Variants in MANSC4 observed in about 807,000 individuals in gnomAD.
MANSC4 encodes the protein MANSC domain-containing protein 4.
MANSC4 carries 11 observed loss-of-function variants against 11.4 expected under a neutral mutation model. The ratio of observed to expected loss-of-function variants is 0.97; its 90% CI spans 0.61 to 1.60. The LOEUF (loss-of-function observed/expected upper bound fraction) is 1.60. MANSC4 is among the 40% of genes most tolerant of loss of function. The pLI, the probability that MANSC4 is intolerant of heterozygous loss-of-function variation, is 0.00. For synonymous variants in MANSC4, 123 were observed against 147.1 expected, an observed-to-expected ratio of 0.84 and a Z score of 1.19; for missense variants, 354 against 404.6, an observed-to-expected ratio of 0.88 and a Z score of 1.07.
At chr12:27,770,188 A>G (rs1363473294) in intron 2 of MANSC4, among the ~76,000 whole-genome samples, 1 of 145,912 alleles carries the variant, frequency 6.9e-6, no homozygotes, top group Non-Finnish European at 1.6e-5. Flanking sequence ...TGTGTGTGAG[A>G]GAGAGAGAGA....
At chr12:27,775,535 A>G (rs2062116386) in intron 1 of MANSC4, among the ~76,000 whole-genome samples, 1 of 152,150 alleles carries the variant, frequency 6.6e-6, no homozygotes, top group South Asian at 2.1e-4. Context: ...TCAAATAAAT[A>G]CTAAACAAAC....
Position 27,762,683 on chromosome 12 carries a change from T to G in MANSC4, c.*55A>C. 1 of 1,419,438 alleles carries G rather than the reference T, an allele frequency of 7.0e-7. No homozygotes were observed. The highest frequency in any genetic ancestry group is 9.3e-7 in the Non-Finnish European group (1 of 1,075,602). The allele number at this position is 1,419,438 out of a possible 1,614,324, so 87.9% of individuals were successfully genotyped here. A position where few individuals can be genotyped will look rare whatever the true frequency, so the allele number is the denominator to read the frequency against. ...TTTTTTTAACCAAACTGCGTTTTCTTACACAAAACTAAAAATGATATCCTT... is the reference window on the plus strand; with the variant it reads ...TTTTTTTAACCAAACTGCGTTTTCTGACACAAAACTAAAAATGATATCCTT... On this transcript the variant is annotated 3_prime_UTR_variant, in exon 4 of 4. Transcript: ENST00000381273.
intron 3 of MANSC4, 130 bp from the exon 4 acceptor site, chr12:27,763,526 AC>A: frequency 2.7e-6 from 2 of 748,530 alleles, no homozygotes. Flanking sequence ...ACGTTCTACT[AC>A]CACATACTTC....
chr12:27,771,050 T>A lies in MANSC4; in HGVS notation c.227A>T (p.Asp76Val). 1 of 1,548,680 alleles carries A rather than the reference T, an allele frequency of 6.5e-7. No homozygotes were observed. Among genetic ancestry groups the A allele is most frequent in the East Asian group, 2.4e-5 (1 of 40,910 alleles). Reference sequence around the variant, plus strand: ...CCAAGCATATCATGAATACTTACCATCCTTCCGAAGACAGCAGCTCCTACT... The same window carrying A: ...CCAAGCATATCATGAATACTTACCAACCTTCCGAAGACAGCAGCTCCTACT... ...KCSRSCCLRKDVSCNLAVFYH... is the reference protein window; with the variant it reads ...KCSRSCCLRKVVSCNLAVFYH... The change falls in exon 2 of 4, where the codon GAT becomes GTT. Residue 76 changes from aspartate to valine, a missense_variant and splice_region_variant. By Grantham distance (152) the Asp-to-Val change is radical. Transcript: ENST00000381273.
At chr12:27,766,637 T>G (rs1189304239) in intron 3 of MANSC4, 28 bp downstream of exon 3, 1 of 1,547,146 alleles carries the variant, frequency 6.5e-7, no homozygotes, top group Admixed American at 2.0e-5. Flanking sequence ...CAGCATTCTT[T>G]TAAAGTCTTG....
In MANSC4 at chr12:27,763,206, G is replaced by C; in HGVS notation, c.555C>G (p.Asn185Lys). The change falls in exon 4 of 4, where the codon AAC becomes AAG. Residue 185 changes from asparagine to lysine, a missense_variant. By Grantham distance (94) the Asn-to-Lys change is moderately conservative. Coordinates refer to ENST00000381273, the MANE Select transcript of MANSC4 (RefSeq NM_001146221.5). ...CCTTAGAATAACTGGTACTGTTTGT[G>C]TTTACAACCAAATCTTGATGCGTGG... ...SSTTHQDLVV[N>K]TNSTSYSKEL... The C allele has an allele frequency of 6.4e-7, 1 of 1,551,728 alleles. No individual in the cohort carries two copies. Among genetic ancestry groups the C allele is most frequent in the South Asian group, 1.2e-5 (1 of 84,064 alleles).
At chr12:27,775,769 G>GT (rs71438710) in intron 1 of MANSC4, among the ~76,000 whole-genome samples, 149 of 144,046 alleles carry the variant, frequency 1.0e-3, no homozygotes, top group Middle Eastern at 7.2e-3. Flanking sequence ...TCCAAAATCT[G>GT]TTTTTTTTTT....
At chr12:27,768,256 G>A (rs1057338596) in intron 2 of MANSC4, among the ~76,000 whole-genome samples, 1 of 151,258 alleles carries the variant, frequency 6.6e-6, no homozygotes, top group African/African-American at 2.4e-5. Flanking sequence ...TACAAAAATT[G>A]GCTGGGCATG....
At position 27,780,214 on chromosome 12, in the gene MANSC4, C is replaced by CCGCTCCTCCCGGGCCGCCATCCCTCGG; in HGVS notation, c.-312_-311insCCGAGGGATGGCGGCCCGGGAGGAGCG. 4.0e-6 allele frequency: 4 copies of CCGCTCCTCCCGGGCCGCCATCCCTCGG among 995,166 alleles called. No homozygotes were observed. Among genetic ancestry groups the CCGCTCCTCCCGGGCCGCCATCCCTCGG allele is most frequent in the Non-Finnish European group, 5.3e-6 (4 of 760,224 alleles). 61.6% of individuals were successfully genotyped at this position (995,166 alleles called of 1,614,324 possible). Reference sequence around the variant, plus strand: ...GCGAGCGCGGGCGGCCCTCACCTCGCCGCTCCTCCCGGGCCGCCATCCCTC... The same window carrying CCGCTCCTCCCGGGCCGCCATCCCTCGG: ...GCGAGCGCGGGCGGCCCTCACCTCGCCGCTCCTCCCGGGCCGCCATCCCTCGGCGCTCCTCCCGGGCCGCCATCCCTC... On this transcript the variant is annotated 5_prime_UTR_variant, in exon 1 of 4. It adds an upstream start codon to the 5' untranslated region. Coordinates refer to ENST00000381273, the MANE Select transcript of MANSC4 (RefSeq NM_001146221.5). This position sits in a 1 kb window ranked among gnomAD's most constrained non-coding sequence, Gnocchi z 8.8.
rs1474176288 is a variant in MANSC4 at position 27,780,190 on chromosome 12, C to A, written c.-307+20G>T. 6 of 535,118 alleles carry A rather than the reference C, an allele frequency of 1.1e-5. No homozygotes were observed. Among genetic ancestry groups the A allele is most frequent in the Middle Eastern group, 6.5e-4 (1 of 1,542 alleles). 33.1% of individuals were successfully genotyped at this position (535,118 alleles called of 1,614,324 possible). A position where few individuals can be genotyped will look rare whatever the true frequency, so the allele number is the denominator to read the frequency against. On this transcript the variant is annotated intron_variant, in intron 1 of 3. Coordinates refer to ENST00000381273, the MANE Select transcript of MANSC4 (RefSeq NM_001146221.5). This position sits in a 1 kb window ranked among gnomAD's most constrained non-coding sequence, Gnocchi z 8.8. The stretch of plus-strand genomic sequence containing the variant: ...AGGAGGGGCCGCCGGAGAGGCCGGG[C>A]GAGCGCGGGCGGCCCTCACCTCGCC...
rs907136893 is a variant in MANSC4 at position 27,763,106 on chromosome 12, G to A, written c.655C>T (p.Pro219Ser). The change falls in exon 4 of 4, where the codon CCA becomes TCA. Residue 219 changes from proline to serine, a missense_variant. Pro to Ser is a moderately conservative substitution (Grantham distance 74). Transcript: ENST00000381273. ...SITTKINKVSPSTDFISNPDN... is the reference protein window; with the variant it reads ...SITTKINKVSSSTDFISNPDN... ...GGATTGCTGATGAAATCAGTACTTG[G>A]TGACACCTTATTTATCTTTGTGGTA... The A allele has an allele frequency of 6.4e-6, 10 of 1,551,604 alleles. No individual in the cohort carries two copies. The highest frequency in any genetic ancestry group is 3.9e-5 in the Admixed American group (2 of 50,938).
chr12:27,767,435 G>A (rs1183155148), intron 2 of MANSC4, among the ~76,000 whole-genome samples: 1 of 152,102 alleles, frequency 6.6e-6, no homozygotes, highest in African/African-American at 2.4e-5. Flanking sequence ...CCGGCGTGGT[G>A]GCTCATTCCC....
chr12:27,778,786 C>T (rs1281825480), intron 1 of MANSC4, among the ~76,000 whole-genome samples: 2 of 152,212 alleles, frequency 1.3e-5, no homozygotes, highest in Non-Finnish European at 2.9e-5. Context: ...GGGATGAATT[C>T]ATTAGCAAGA....
rs2062101025 is a variant in MANSC4 at position 27,771,508 on chromosome 12, C to G, written c.-232G>C. On this transcript the variant is annotated 5_prime_UTR_variant, in exon 2 of 4. Transcript: ENST00000381273. ...GATTTGCTGGCATTCTTTCTGAACA[C>G]TTTCCAGGCTATTTCAATACCCTGT... Among the ~76,000 whole-genome samples the G allele has an allele frequency of 6.6e-6, 1 of 152,226 alleles. No homozygotes were observed. The highest frequency in any genetic ancestry group is 2.4e-5 in the African/African-American group (1 of 41,466).
chr12:27,774,931 G>A (rs959182391), intron 1 of MANSC4, among the ~76,000 whole-genome samples: 1 of 152,136 alleles, frequency 6.6e-6, no homozygotes, highest in East Asian at 1.9e-4. Context: ...GGCTGAGGCA[G>A]GAGAATGGAG....
chr12:27,771,283 T>C lies in MANSC4; in HGVS notation c.-7A>G. ...CTACCTCTGCCACATGCATTTTTCC[T>C]GTATGAAGGAAGACTCGAAGATAAG... On this transcript the variant is annotated 5_prime_UTR_variant, in exon 2 of 4. Transcript: ENST00000381273. 2.6e-6 allele frequency: 4 copies of C among 1,548,630 alleles called. No homozygotes were observed. Among genetic ancestry groups the C allele is most frequent in the Non-Finnish European group, 3.5e-6 (4 of 1,146,036 alleles).
chr12:27,777,399 G>A (rs1328628425), intron 1 of MANSC4, among the ~76,000 whole-genome samples: 1 of 152,110 alleles, frequency 6.6e-6, no homozygotes, highest in Non-Finnish European at 1.5e-5. Context: ...AAAATCGTAG[G>A]TCCAAGTCTC....
At chr12:27,770,510 CTAA>C (rs2062096187) in intron 2 of MANSC4, among the ~76,000 whole-genome samples, 1 of 145,616 alleles carries the variant, frequency 6.9e-6, no homozygotes, top group Non-Finnish European at 1.6e-5. Context: ...TGATATGATA[CTAA>C]TATCACAAAA....
intron 2 of MANSC4, among the ~76,000 whole-genome samples, chr12:27,768,418 A>AAAG (rs1555109485): frequency 1.7e-5 from 2 of 117,166 alleles, no homozygotes; most frequent in African/African-American, 6.0e-5. Flanking sequence ...AAAAAAAAAA[A>AAAG]AAAAGAAAAA....
Sources: gnomAD v4.1 joint callset for allele counts (sites outside exome capture counted in the v4.1 genomes callset) on GRCh38, gnomAD v4.1.1 for gene constraint, Gnocchi (gnomAD v3.1) non-coding constraint, MANE v1.5 for transcripts, NCBI Gene and HGNC (gene_info 2026-07-23, HGNC 2026-07-21) for gene names.